The following WDR87 variants were observed in gnomAD, a reference collection of about 807,000 sequenced individuals.
The protein encoded by WDR87 is WD repeat-containing protein 87.
Under a neutral mutation model 83.3 loss-of-function variants are expected in WDR87, and 56 were observed. That is an observed-to-expected ratio of 0.67 (90% confidence interval 0.54 to 0.84). WDR87 has a LOEUF of 0.84. Among genes scored for constraint, WDR87 ranks in the 40% least tolerant of loss-of-function variants. WDR87 has a pLI of 0.00. For missense variants in WDR87, 2,939 were observed against 3,431.9 expected, an observed-to-expected ratio of 0.86 and a Z score of 3.59; for synonymous variants, 1,173 against 1,250.6, an observed-to-expected ratio of 0.94 and a Z score of 1.31.
chr19:37,893,694 T>A lies in WDR87; in HGVS notation c.2009A>T (p.Tyr670Phe), dbSNP rs751975186. ...AAGCAATTTTAAACAGGACACTAGG[T>A]AAAGACTCTGGTTAAAAGTCACAAG... ...DLLVTFNQSL[Y>F]LVSCLKLLPP... The change falls in exon 4 of 6, where the codon TAC becomes TTC. Residue 670 changes from tyrosine to phenylalanine, a missense_variant. Around this residue, in one of 3 missense-constraint regions of WDR87, gnomAD observed 553 missense variants for 577.9 expected, o/e 0.96. Transcript: ENST00000447313. 1 of 1,551,864 alleles carries A rather than the reference T, an allele frequency of 6.4e-7. No homozygotes were observed. Among genetic ancestry groups the A allele is most frequent in the South Asian group, 1.2e-5 (1 of 84,058 alleles).
At position 37,894,195 on chromosome 19, in the gene WDR87, A is replaced by G; in HGVS notation, c.1508T>C (p.Phe503Ser). 6.4e-7 allele frequency: 1 copy of G among 1,552,252 alleles called. No homozygotes were observed. The highest frequency in any genetic ancestry group is 8.7e-7 in the Non-Finnish European group (1 of 1,147,136). The stretch of plus-strand genomic sequence containing the variant: ...CGTGGAGAGTGCCAGTACAGCGCCA[A>G]AGTGCATGAATTTTTCTAATCGAGC... ...SCARLEKFMH[F>S]GAVLALSTLS... Residue 503 changes from phenylalanine to serine, a missense_variant, in exon 4 of 6, where the codon TTT (phenylalanine) becomes TCT (serine). Transcript: ENST00000447313.
rs2046238362 is a variant in WDR87 at position 37,894,668 on chromosome 19, A to T, written c.1035T>A (p.Ser345Arg). ...AGCAGGGCAGGCGGTGCAAGGAAAA[A>T]CTATGGGCAGTTTGGCAGAAGAAAG... is the stretch of plus-strand genomic sequence containing the variant. ...SITFFCQTAH[S>R]FSLHRLPCFY... The change falls in exon 4 of 6, where the codon AGT becomes AGA. Residue 345 changes from serine to arginine, a missense_variant. Transcript: ENST00000447313. 1.9e-6 allele frequency: 3 copies of T among 1,551,642 alleles called. No individual in the cohort carries two copies. Among genetic ancestry groups the T allele is most frequent in the Non-Finnish European group, 2.6e-6 (3 of 1,147,022 alleles).
intron 2 of WDR87, 109 bp downstream of exon 2, chr19:37,898,054 CCT>C (rs2046270035): frequency 3.9e-6 from 5 of 1,286,734 alleles, no homozygotes; most frequent in Admixed American, 2.1e-5. Flanking sequence ...TATAGTATAC[CCT>C]GTTTGCTTCC....
chr19:37,900,680 A>G (rs933456707), intron 1 of WDR87, among the ~76,000 whole-genome samples: 2 of 151,886 alleles, frequency 1.3e-5, no homozygotes, highest in Admixed American at 6.6e-5. Flanking sequence ...TCCACTCACA[A>G]TGGGAACTTG....
chr19:37,888,436 A>G lies in WDR87; in HGVS notation c.5235T>C (p.Asn1745=). ...CCAGCTCCTTTTCTTGCCAGTCCAG[A>G]TTTTGTTCCCTCTGGGGCAGTTCTT... ...KVEELPQREQ[N]LDWQEKELAQ... Residue 1745 remains asparagine (N), a synonymous_variant, in exon 6 of 6, where the codon AAT becomes AAC. Transcript: ENST00000447313. 1 of 1,550,638 alleles carries G rather than the reference A, an allele frequency of 6.4e-7. No individual in the cohort carries two copies. The highest frequency in any genetic ancestry group is 8.7e-7 in the Non-Finnish European group (1 of 1,146,762).
rs575570551 is a variant in WDR87 at position 37,887,785 on chromosome 19, C to G, written c.5886G>C (p.Leu1962Phe). The G allele has an allele frequency of 1.9e-6, 3 of 1,551,706 alleles. No individual in the cohort carries two copies. Among genetic ancestry groups the G allele is most frequent in the South Asian group, 2.4e-5 (2 of 83,974 alleles). ...GGGCCAATTTCTCCTGTTTTTTGGC[C>G]AAACTATCCTCTACTTGGACCAATT... ...EKKLVQVEDS[L>F]AKKQEKLAQE... Residue 1962 changes from leucine (L) to phenylalanine (F), a missense_variant, in exon 6 of 6, where the codon TTG becomes TTC. Coordinates refer to ENST00000447313, the MANE Select transcript of WDR87 (RefSeq NM_001291088.2).
chr19:37,906,272 T>C (rs1234573325), intron 1 of WDR87, among the ~76,000 whole-genome samples: 1 of 152,120 alleles, frequency 6.6e-6, no homozygotes, highest in African/African-American at 2.4e-5. Context: ...GTGTAGGTAC[T>C]CTACAAACAC....
chr19:37,904,149 G>A (rs896939772), intron 1 of WDR87, among the ~76,000 whole-genome samples: 8 of 152,062 alleles, frequency 5.3e-5, no homozygotes, highest in South Asian at 2.1e-4. Flanking sequence ...TGATCCACCC[G>A]CCTCGGCCTC....
chr19:37,893,417 A>T lies in WDR87; in HGVS notation c.2286T>A (p.Arg762=). 1 of 1,552,198 alleles carries T rather than the reference A, an allele frequency of 6.4e-7. No individual in the cohort carries two copies. The highest frequency in any genetic ancestry group is 1.2e-5 in the South Asian group (1 of 84,062). ...EDEEGSPVLL[R]SSMHYSLQDM... is the part of the protein sequence containing the mutation. ...CCTGCAAAGAATAATGCATGGAGGA[A>T]CGCAGTAACACTGGGCTCCCTTCCT... The change falls in exon 4 of 6, where the codon CGT becomes CGA. Residue 762 remains arginine (R), a synonymous_variant. Coordinates refer to ENST00000447313, the MANE Select transcript of WDR87 (RefSeq NM_001291088.2).
rs1249856032 is a variant in WDR87 at position 37,888,765 on chromosome 19, G to A, written c.4906C>T (p.Gln1636Ter). The stretch of plus-strand genomic sequence containing the variant: ...TCTTGTGCAAGTTTCTCTTCTTCTT[G>A]TGCTAATTTCCTCTCTTCTTGGGCT... ...KRAQEERKLA[Q>*]EEEKLAQEER... The change falls in exon 6 of 6, where the codon CAA becomes TAA. Residue 1636 changes from glutamine (Q) to a stop codon, truncating the protein, a stop_gained. Transcript: ENST00000447313. LOFTEE classifies it low-confidence loss of function (END_TRUNC). 1.9e-6 allele frequency: 3 copies of A among 1,551,610 alleles called. No homozygotes were observed. Among genetic ancestry groups the A allele is most frequent in the East Asian group, 2.4e-5 (1 of 40,912 alleles).
Position 37,894,396 on chromosome 19 carries a change from A to C in WDR87, c.1307T>G (p.Phe436Cys). ...VATGSSEVLV[F>C]DTTRCPCPAK... ...TGGGCAAGGGCAGCGGGTTGTGTCA[A>C]ATACCAGAACCTCTGAGCTGCCTGT... The change falls in exon 4 of 6, where the codon TTT (phenylalanine) becomes TGT (cysteine). Residue 436 changes from phenylalanine (F) to cysteine (C), a missense_variant. Physicochemically the swap from Phe to Cys is radical, Grantham distance 205. Coordinates refer to ENST00000447313, the MANE Select transcript of WDR87 (RefSeq NM_001291088.2). The C allele has an allele frequency of 6.4e-7, 1 of 1,551,748 alleles. No individual in the cohort carries two copies. The highest frequency in any genetic ancestry group is 8.7e-7 in the Non-Finnish European group (1 of 1,147,010).
Position 37,891,783 on chromosome 19 carries a change from G to A in WDR87, c.3163C>T (p.Leu1055=), listed in dbSNP as rs1258679845. Residue 1055 remains leucine (L), a synonymous_variant, in exon 5 of 6, where the codon CTG becomes TTG. Transcript: ENST00000447313. ...TGGAGATCTGTGGCCCGCATCCCCA[G>A]TAGATGGTCCAGGGGTTCCTCCCCG... ...MIGEEPLDHL[L]GMRATDLQIL... 1 of 1,552,164 alleles carries A rather than the reference G, an allele frequency of 6.4e-7. No individual in the cohort carries two copies. Among genetic ancestry groups the A allele is most frequent in the Non-Finnish European group, 8.7e-7 (1 of 1,147,142 alleles).
At position 37,896,049 on chromosome 19, in the gene WDR87, G is replaced by A. The variant is rs545763443; in HGVS notation, c.246+89C>T. 209 of 1,468,654 alleles carry A rather than the reference G, an allele frequency of 1.4e-4. 3 individuals carry two copies. In the South Asian group the frequency reaches 2.6e-3, roughly 19 times the overall value. 91.0% of individuals were successfully genotyped at this position (1,468,654 alleles called of 1,614,324 possible). On this transcript the variant is annotated intron_variant, in intron 3 of 5. Transcript: ENST00000447313. ...GTTCCAGACCACATTCATCCATGGG[G>A]AATATCCTCCTTTGTCAATCTGGGC... is the stretch of plus-strand genomic sequence containing the variant.
At position 37,893,610 on chromosome 19, in the gene WDR87, A is replaced by G; in HGVS notation, c.2093T>C (p.Val698Ala). The G allele has an allele frequency of 6.4e-7, 1 of 1,552,060 alleles. No homozygotes were observed. The highest frequency in any genetic ancestry group is 8.7e-7 in the Non-Finnish European group (1 of 1,147,076). ...FMSISDEVLEVPKPFIPSFFF... is the reference protein window; with the variant it reads ...FMSISDEVLEAPKPFIPSFFF... ...GAAGCTTGGTATGAAAGGCTTAGGG[A>G]CTTCCAGTACTTCATCTGATATGCT... is the stretch of plus-strand genomic sequence containing the variant. Residue 698 changes from valine (V) to alanine (A), a missense_variant, in exon 4 of 6, where the codon GTC becomes GCC. This residue lies in a region of WDR87 where 553 missense variants were observed against 577.9 expected (regional missense o/e 0.96). Transcript: ENST00000447313.
chr19:37,885,061 G>T lies in WDR87; in HGVS notation c.8610C>A (p.Asn2870Lys). 1 of 1,471,690 alleles carries T rather than the reference G, an allele frequency of 6.8e-7. No homozygotes were observed. The highest frequency in any genetic ancestry group is 9.0e-7 in the Non-Finnish European group (1 of 1,110,176). The allele number at this position is 1,471,690 out of a possible 1,614,324, so 91.2% of individuals were successfully genotyped here. The part of the protein sequence containing the change: ...FQGAVPLPWQ[N>K]CVRTILPVGI... ...CCACGGGAAGGATGGTGCGCACACA[G>T]TTCTGCCATGGGAGGGGTACCGCAC... Residue 2870 changes from asparagine (N) to lysine (K), a missense_variant, in exon 6 of 6, where the codon AAC becomes AAA. Physicochemically the swap from Asn to Lys is moderately conservative, Grantham distance 94 (BLOSUM62 0). This residue lies in a region of WDR87 where 2,160 missense variants were observed against 2,533.1 expected (regional missense o/e 0.85). Coordinates refer to ENST00000447313, the MANE Select transcript of WDR87 (RefSeq NM_001291088.2).
chr19:37,891,419 G>T, intron 5 of WDR87, 133 bp downstream of exon 5: 3 of 1,187,624 alleles, frequency 2.5e-6, no homozygotes, highest in Non-Finnish European at 3.5e-6. Context: ...CCACCTCAGC[G>T]TCCCAGTGCT....
Position 37,894,252 on chromosome 19 carries a change from C to T in WDR87, c.1451G>A (p.Gly484Asp). The change falls in exon 4 of 6, where the codon GGT (glycine) becomes GAT (aspartate). Residue 484 changes from glycine to aspartate, a missense_variant. Gly to Asp is a moderately conservative substitution (Grantham distance 94). Transcript: ENST00000447313. ...GTGCTGGGAGAGCACTCTTATCACA[C>T]CACTCTGGTGCCCAGAGAATATCAG... The part of the protein sequence containing the change: ...EGLIFSGHQS[G>D]VIRVLSQHSC... The T allele has an allele frequency of 1.3e-6, 2 of 1,551,834 alleles. No individual in the cohort carries two copies. The highest frequency in any genetic ancestry group is 1.7e-6 in the Non-Finnish European group (2 of 1,147,032).
chr19:37,905,602 G>A (rs1375973029), intron 1 of WDR87, among the ~76,000 whole-genome samples: 2 of 150,064 alleles, frequency 1.3e-5, no homozygotes, highest in Non-Finnish European at 2.9e-5. Flanking sequence ...CTGCTTTGTC[G>A]CCCAAGCTGG....
Position 37,888,762 on chromosome 19 carries a change from C to G in WDR87, c.4909G>C (p.Glu1637Gln). 1 of 1,551,876 alleles carries G rather than the reference C, an allele frequency of 6.4e-7. No homozygotes were observed. The highest frequency in any genetic ancestry group is 8.7e-7 in the Non-Finnish European group (1 of 1,147,068). Residue 1637 changes from glutamate (E) to glutamine (Q), a missense_variant, in exon 6 of 6, where the codon GAA becomes CAA. Coordinates refer to ENST00000447313, the MANE Select transcript of WDR87 (RefSeq NM_001291088.2). ...TCTTCTTGTGCAAGTTTCTCTTCTTCTTGTGCTAATTTCCTCTCTTCTTGG... is the reference window on the plus strand; with the variant it reads ...TCTTCTTGTGCAAGTTTCTCTTCTTGTTGTGCTAATTTCCTCTCTTCTTGG... ...RAQEERKLAQ[E>Q]EEKLAQEERQ... is the part of the protein sequence containing the mutation.
Sources: gnomAD v4.1 joint callset for allele counts (sites outside exome capture counted in the v4.1 genomes callset) on GRCh38, gnomAD v4.1.1 for gene constraint, gnomAD v4.1.1 regional missense constraint, MANE v1.5 for transcripts, NCBI Gene and HGNC (gene_info 2026-07-23, HGNC 2026-07-21) for gene names.